DCX: variants seen among roughly 807,000 people sequenced by gnomAD.
DCX encodes doublecortin.
Under a neutral mutation model 20.9 loss-of-function variants are expected in DCX, and 4 were observed. That is an observed-to-expected ratio of 0.19 (90% CI 0.09 to 0.44). The LOEUF (loss-of-function observed/expected upper bound fraction) is 0.44, where lower values mean the gene tolerates loss of function less well. Among genes scored for constraint, DCX ranks in the 20% least tolerant of loss-of-function variants. The pLI is 0.99. For missense variants in DCX, 133 were observed against 296.9 expected, an observed-to-expected ratio of 0.45 and a Z score of 4.06; for synonymous variants, 103 against 111.4, an observed-to-expected ratio of 0.92 and a Z score of 0.47.
intron 5 of DCX, among the ~76,000 whole-genome samples, chrX:111,324,494 T>G (rs1166816109): frequency 8.9e-6 from 1 of 111,817 alleles, no homozygotes; most frequent in Non-Finnish European, 1.9e-5. Context: ...TGGAGTCAGA[T>G]TGCTTGGGTT....
chrX:111,325,430 T>C (rs749313841), intron 5 of DCX, among the ~76,000 whole-genome samples: 1 of 111,091 alleles, frequency 9.0e-6, no homozygotes, highest in South Asian at 3.9e-4. Flanking sequence ...GATCCCAAGA[T>C]CCTAAACTTT....
At chrX:111,377,637 AAGG>A (rs1481105398) in intron 3 of DCX, among the ~76,000 whole-genome samples, 6 of 111,586 alleles carry the variant, frequency 5.4e-5, no homozygotes, top group East Asian at 5.7e-4. Context: ...GAGAGGGTTG[AAGG>A]AGGAGTGGGA....
At chrX:111,399,951 A>G (rs988116424) in intron 3 of DCX, among the ~76,000 whole-genome samples, 12 of 112,149 alleles carry the variant, frequency 1.1e-4, no homozygotes, top group African/African-American at 3.6e-4. Context: ...AAAATCTTGG[A>G]GCACACATTA....
At chrX:111,350,966 T>C (rs779741954) in intron 3 of DCX, among the ~76,000 whole-genome samples, 7 of 111,831 alleles carry the variant, frequency 6.3e-5, no homozygotes, top group Non-Finnish European at 1.3e-4. Context: ...TATAAAACCA[T>C]CAGATCTTGT....
rs2095033787 is a variant in DCX, at chrX:111,301,478, C to G, written c.*209G>C. The G allele has an allele frequency of 6.4e-6, 3 of 468,962 alleles. No individual in the cohort carries two copies. In the South Asian group the frequency reaches 9.3e-5, roughly 15 times the overall value. The allele number at this position is 468,962 out of a possible 1,213,427, so 38.6% of individuals were successfully genotyped here. A position where few individuals can be genotyped will look rare whatever the true frequency, so the allele number is the denominator to read the frequency against. On this transcript the variant is annotated 3_prime_UTR_variant, in exon 7 of 7. Coordinates refer to ENST00000636035, the MANE Select transcript of DCX (RefSeq NM_001195553.2). The stretch of plus-strand genomic sequence containing the variant: ...CCAAAGGATGGTTATCAATCTATCT[C>G]TCATAATTGGTAACTGTGGATCAGT...
At chrX:111,374,784 C>A (rs1442781834) in intron 3 of DCX, among the ~76,000 whole-genome samples, 1 of 109,546 alleles carries the variant, frequency 9.1e-6, no homozygotes, top group Admixed American at 9.9e-5. Flanking sequence ...TACCAGGTAA[C>A]CCTGGCCCTG....
rs1258307093 is a variant in DCX at position 111,313,780 on chromosome X, AT to A, written c.947-1045del. On this transcript the variant is annotated intron_variant, in intron 5 of 6. Transcript: ENST00000636035. ...TTGTTCAGACACTTCATACTAAAGTATTTTTTTTTTAATCTTAAGACCTAAA... is the reference window on the plus strand; with the variant it reads ...TTGTTCAGACACTTCATACTAAAGTATTTTTTTTTAATCTTAAGACCTAAA... 8.9e-3 allele frequency among the ~76,000 whole-genome samples: 947 copies of A among 106,470 alleles called. 2 individuals carry two copies. Among genetic ancestry groups the A allele is most frequent in the African/African-American group, 0.028 (810 of 29,336 alleles). 92.5% of individuals were successfully genotyped at this position (106,470 alleles called of 115,157 possible).
intron 5 of DCX, among the ~76,000 whole-genome samples, chrX:111,322,657 A>G (rs927045801): frequency 8.9e-6 from 1 of 112,353 alleles, no homozygotes; most frequent in Non-Finnish European, 1.9e-5. Context: ...GCCCTTGGGC[A>G]GGGTGTCTGG....
At chrX:111,348,863 G>GT (rs1430035325) in intron 3 of DCX, among the ~76,000 whole-genome samples, 1 of 103,713 alleles carries the variant, frequency 9.6e-6, no homozygotes, top group African/African-American at 3.6e-5. Context: ...GGAAAGGTTT[G>GT]TTAAAAAAAA....
At chrX:111,371,130 A>G (rs916639420) in intron 3 of DCX, among the ~76,000 whole-genome samples, 10 of 112,066 alleles carry the variant, frequency 8.9e-5, no homozygotes, top group Non-Finnish European at 1.5e-4. Context: ...TTATTAGTCA[A>G]CTTTTACATA....
In DCX at chrX:111,359,681, G is replaced by A. The variant is rs771175516; in HGVS notation, c.706-26528C>T. On this transcript the variant is annotated intron_variant, in intron 3 of 6. Transcript: ENST00000636035. ...TATACATTTTTAAAAAGAACAAACA[G>A]TCCAATAGAAAATGGGCAAAATAAA... 3.6e-5 allele frequency among the ~76,000 whole-genome samples: 4 copies of A among 111,901 alleles called. No individual in the cohort carries two copies. The East Asian group carries it at 8.3e-4, about 23-fold the overall frequency.
At chrX:111,320,632 T>G (rs2095084203) in intron 5 of DCX, among the ~76,000 whole-genome samples, 1 of 110,997 alleles carries the variant, frequency 9.0e-6, no homozygotes, top group South Asian at 3.9e-4. Context: ...GACCTTTTAT[T>G]TATATATGGT....
At chrX:111,408,683 A>AAAGAAAGG (rs1928447768) in intron 2 of DCX, among the ~76,000 whole-genome samples, 2 of 107,438 alleles carry the variant, frequency 1.9e-5, no homozygotes, top group African/African-American at 7.0e-5. Flanking sequence ...AGAAAGAAAG[A>AAAGAAAGG]AAGAAAGAAA....
chrX:111,334,087 T>C (rs1921503195), intron 3 of DCX, among the ~76,000 whole-genome samples: 1 of 112,549 alleles, frequency 8.9e-6, no homozygotes, highest in South Asian at 3.7e-4. Flanking sequence ...CTGCCAGCAA[T>C]GGCTTTCCAA....
At chrX:111,360,804 CTCTA>C (rs1171921402) in intron 3 of DCX, among the ~76,000 whole-genome samples, 1 of 111,479 alleles carries the variant, frequency 9.0e-6, no homozygotes, top group Non-Finnish European at 1.9e-5. Flanking sequence ...ATAGAAAGAG[CTCTA>C]AATGGTACAA....
At chrX:111,302,175 A>C in intron 6 of DCX, among the ~76,000 whole-genome samples, 1 of 111,786 alleles carries the variant, frequency 8.9e-6, no homozygotes, top group South Asian at 3.8e-4. Context: ...GTAATTTTGG[A>C]ATTTCAACAA....
intron 3 of DCX, among the ~76,000 whole-genome samples, chrX:111,394,084 C>G (rs1409677473): frequency 2.7e-5 from 3 of 111,788 alleles, no homozygotes; most frequent in African/African-American, 9.7e-5. Flanking sequence ...AAGATAGAAA[C>G]AACCCAAATG....
intron 3 of DCX, among the ~76,000 whole-genome samples, chrX:111,362,556 T>G (rs1305503033): frequency 9.0e-6 from 1 of 111,489 alleles, no homozygotes; most frequent in East Asian, 2.8e-4. Context: ...GAGAAGACAG[T>G]GGCTTTGAGA....
At chrX:111,344,604 C>G (rs1922615561) in intron 3 of DCX, among the ~76,000 whole-genome samples, 1 of 110,887 alleles carries the variant, frequency 9.0e-6, no homozygotes, top group East Asian at 2.8e-4. Context: ...AATAGACAAG[C>G]AGAGAACAAA....
Sources: gnomAD v4.1 joint callset for allele counts (sites outside exome capture counted in the v4.1 genomes callset) on GRCh38, gnomAD v4.1.1 for gene constraint, MANE v1.5 for transcripts, NCBI Gene and HGNC (gene_info 2026-07-23, HGNC 2026-07-21) for gene names.